SAMMSON: variants seen among roughly 807,000 people sequenced by gnomAD.
SAMMSON encodes the protein survival associated mitochondrial melanoma specific oncogenic non-coding RNA, also known as long intergenic non-protein coding RNA 1212.
intron 2 of SAMMSON, among the ~76,000 whole-genome samples, chr3:70,400,346 C>T (rs1220902410): frequency 6.6e-6 from 1 of 152,146 alleles, no homozygotes; most frequent in Non-Finnish European, 1.5e-5. Context: ...AATGCCCTCC[C>T]TCAAGGGTGA....
At chr3:70,393,257 AC>A (rs1701064555), downstream of SAMMSON, among the ~76,000 whole-genome samples, 1 of 152,178 alleles carries the variant, frequency 6.6e-6, no homozygotes, top group Admixed American at 6.5e-5. Context: ...ACAAAACTCA[AC>A]TTGCAATGTT....
intron 3 of SAMMSON, among the ~76,000 whole-genome samples, chr3:70,049,965 A>G (rs983405453): frequency 6.6e-6 from 1 of 152,088 alleles, no homozygotes; most frequent in Non-Finnish European, 1.5e-5. Context: ...TTTAAATATG[A>G]GTCACCTTCC....
At chr3:70,379,842 A>G (rs767932942) in intron 9 of SAMMSON, among the ~76,000 whole-genome samples, 9 of 152,170 alleles carry the variant, frequency 5.9e-5, no homozygotes, top group Non-Finnish European at 1.0e-4. Flanking sequence ...AAGGTGTAAA[A>G]TATAGTGTAT....
chr3:70,284,999 A>G (rs1177276773), intron 6 of SAMMSON, among the ~76,000 whole-genome samples: 1 of 151,974 alleles, frequency 6.6e-6, no homozygotes, highest in Admixed American at 6.6e-5. Context: ...AAATCACTGC[A>G]GTTCCAAATT....
At chr3:70,394,596 A>G (rs1287233989), downstream of SAMMSON, among the ~76,000 whole-genome samples, 1 of 152,180 alleles carries the variant, frequency 6.6e-6, no homozygotes, top group Non-Finnish European at 1.5e-5. Flanking sequence ...ATTTCTAGAC[A>G]TGGATGGGTA....
At chr3:70,247,548 A>T (rs769579363) in intron 4 of SAMMSON, among the ~76,000 whole-genome samples, 3 of 151,796 alleles carry the variant, frequency 2.0e-5, no homozygotes, top group African/African-American at 7.2e-5. Flanking sequence ...TATTATACCA[A>T]TTTTTTGATC....
chr3:70,252,095 G>T (rs1001609912), intron 6 of SAMMSON, among the ~76,000 whole-genome samples: 2 of 152,148 alleles, frequency 1.3e-5, no homozygotes, highest in Admixed American at 1.3e-4. Context: ...AGCTAGCTCT[G>T]AAGCTGCAGC....
At chr3:70,338,163 T>G (rs1305863510) in intron 7 of SAMMSON, among the ~76,000 whole-genome samples, 1 of 152,034 alleles carries the variant, frequency 6.6e-6, no homozygotes, top group African/African-American at 2.4e-5. Flanking sequence ...CCTAGTTCTC[T>G]CCCTCAAAAT....
chr3:70,162,255 T>A (rs1576139765), intron 4 of SAMMSON, among the ~76,000 whole-genome samples: 1 of 152,014 alleles, frequency 6.6e-6, no homozygotes, highest in East Asian at 1.9e-4. Context: ...CTTTCGTCTT[T>A]TTAAATATAG....
At chr3:70,291,327 T>A (rs1471649422) in intron 7 of SAMMSON, 1 of 152,128 alleles carries the variant, frequency 6.6e-6, no homozygotes, top group Non-Finnish European at 1.5e-5. Context: ...TTTTAGACAA[T>A]TCAGTGAATT....
chr3:70,324,034 C>T (rs930095587), intron 7 of SAMMSON, among the ~76,000 whole-genome samples: 1 of 152,048 alleles, frequency 6.6e-6, no homozygotes, highest in Non-Finnish European at 1.5e-5. Context: ...TCCTGACCCC[C>T]TTCTTTGGCA....
At chr3:70,386,643 AAAT>A (rs1166696172) in intron 9 of SAMMSON, among the ~76,000 whole-genome samples, 1 of 152,066 alleles carries the variant, frequency 6.6e-6, no homozygotes, top group African/African-American at 2.4e-5. Context: ...TGTAATTAGA[AAAT>A]AATTTCTGAA....
chr3:70,198,288 A>C (rs1276226726), intron 4 of SAMMSON, among the ~76,000 whole-genome samples: 1 of 152,158 alleles, frequency 6.6e-6, no homozygotes, highest in African/African-American at 2.4e-5. Flanking sequence ...TTTCCCAATA[A>C]GAATGCTAAT....
At chr3:70,053,867 TA>T (rs2067156768) in intron 3 of SAMMSON, among the ~76,000 whole-genome samples, 1 of 152,130 alleles carries the variant, frequency 6.6e-6, no homozygotes, top group African/African-American at 2.4e-5. Flanking sequence ...TTGGATAAGG[TA>T]CAGTAATTAT....
At chr3:70,006,542 C>T (rs945242224) in intron 1 of SAMMSON, among the ~76,000 whole-genome samples, 3 of 152,160 alleles carry the variant, frequency 2.0e-5, no homozygotes, top group Non-Finnish European at 4.4e-5. Context: ...TAACCAAGTC[C>T]ATGTGATTTC....
chr3:70,411,335 T>C (rs929350589), intron 2 of SAMMSON, among the ~76,000 whole-genome samples: 3 of 152,220 alleles, frequency 2.0e-5, no homozygotes, highest in Non-Finnish European at 4.4e-5. Context: ...TAGTTCTTGA[T>C]TTGTGGACAG....
At chr3:70,098,967 G>A (rs1458755153) in intron 4 of SAMMSON, among the ~76,000 whole-genome samples, 1 of 152,024 alleles carries the variant, frequency 6.6e-6, no homozygotes, top group Non-Finnish European at 1.5e-5. Context: ...GGCATGATAA[G>A]GCTTATATCT....
chr3:70,400,232 G>C (rs531374831), intron 2 of SAMMSON, among the ~76,000 whole-genome samples: 35 of 152,106 alleles, frequency 2.3e-4, no homozygotes, highest in Non-Finnish European at 4.6e-4. Flanking sequence ...GGTTTGGTTT[G>C]TCCCCAACAA....
chr3:70,004,702 G>A (rs929826908), intron 1 of SAMMSON, among the ~76,000 whole-genome samples: 1 of 152,154 alleles, frequency 6.6e-6, no homozygotes, highest in African/African-American at 2.4e-5. Context: ...CAACATAACT[G>A]CATTGGTCAC....
Sources: allele counts gnomAD v4.1 joint callset (sites outside exome capture counted in the v4.1 genomes callset), GRCh38; gene constraint gnomAD v4.1.1; transcripts MANE v1.5; gene names NCBI Gene and HGNC (gene_info 2026-07-23, HGNC 2026-07-21).